The following DCUN1D5 variants were observed in gnomAD, a reference collection of about 807,000 sequenced individuals.
DCUN1D5 encodes the protein DCN1-like protein 5.
DCUN1D5 carries 10 observed loss-of-function variants against 38.3 expected under a neutral mutation model. The observed-to-expected ratio is 0.26, with a 90% CI of 0.16 to 0.44. The LOEUF (loss-of-function observed/expected upper bound fraction) is 0.44. DCUN1D5 is among the 20% of genes least tolerant of loss of function. The probability of loss-of-function intolerance (pLI) is 1.00; values close to 1 mark genes in which losing one functional copy is unlikely to be tolerated. For missense variants in DCUN1D5, 148 were observed against 275.3 expected (o/e 0.54, Z 3.27); for synonymous variants, 93 against 90.9 (o/e 1.02, Z -0.13).
intron 1 of DCUN1D5, among the ~76,000 whole-genome samples, chr11:103,090,031 G>T (rs1862816664): frequency 6.6e-6 from 1 of 151,960 alleles, no homozygotes; most frequent in African/African-American, 2.4e-5. Flanking sequence ...GGCCTTCAGA[G>T]AAACTTTTTT....
intron 1 of DCUN1D5, among the ~76,000 whole-genome samples, chr11:103,089,656 T>C (rs978392993): frequency 1.3e-4 from 20 of 152,162 alleles, no homozygotes; most frequent in African/African-American, 3.1e-4. Flanking sequence ...TTGATTTGCA[T>C]AGAAATTCTA....
chr11:103,086,847 C>A lies in DCUN1D5; in HGVS notation c.178+2380G>T, dbSNP rs1476890759. Among the ~76,000 whole-genome samples, 2 of 151,442 alleles carry A rather than the reference C, an allele frequency of 1.3e-5. No individual in the cohort carries two copies. The highest frequency in any genetic ancestry group is 4.8e-5 in the African/African-American group (2 of 41,268). ...ATAAAAAATAAACATAAAATAATAT[C>A]TATTATAATAAAATGTTTATAACTA... On this transcript the variant is annotated intron_variant, in intron 2 of 7. Coordinates refer to ENST00000260247, the MANE Select transcript of DCUN1D5 (RefSeq NM_032299.4). The surrounding 1 kb of genome is among the most constrained non-coding windows in gnomAD (Gnocchi z 4.1).
chr11:103,076,889 A>T (rs971567348), intron 4 of DCUN1D5, among the ~76,000 whole-genome samples: 5 of 152,182 alleles, frequency 3.3e-5, no homozygotes, highest in African/African-American at 1.2e-4. Flanking sequence ...AAAGAATCCA[A>T]CAGACTTTTT....
intron 1 of DCUN1D5, among the ~76,000 whole-genome samples, chr11:103,089,922 T>C (rs940865484): frequency 3.3e-5 from 5 of 152,058 alleles, no homozygotes; most frequent in African/African-American, 1.2e-4. Context: ...AATCCTAGGT[T>C]CTGTTCATTC....
Position 103,091,999 on chromosome 11 carries a change from C to G in DCUN1D5, c.-127G>C. 1 of 852,404 alleles carries G rather than the reference C, an allele frequency of 1.2e-6. No individual in the cohort carries two copies. Among genetic ancestry groups the G allele is most frequent in the Non-Finnish European group, 1.8e-6 (1 of 569,948 alleles). 52.8% of individuals were successfully genotyped at this position (852,404 alleles called of 1,614,324 possible). On this transcript the variant is annotated 5_prime_UTR_variant, in exon 1 of 8. Transcript: ENST00000260247. This position sits in a 1 kb window ranked among gnomAD's most constrained non-coding sequence, Gnocchi z 4.3. ...AAGCGGAGGAGCAGAGTCGCCAGCC[C>G]GCACCGGCGCGGCCCAGCCCGGCCG...
chr11:103,068,592 C>G (rs1341629872), intron 4 of DCUN1D5, among the ~76,000 whole-genome samples: 2 of 152,018 alleles, frequency 1.3e-5, no homozygotes, highest in East Asian at 3.8e-4. Flanking sequence ...GCTGGAAAAC[C>G]AAATATCACA....
chr11:103,084,774 G>C (rs978939502), intron 2 of DCUN1D5, among the ~76,000 whole-genome samples: 1 of 151,882 alleles, frequency 6.6e-6, no homozygotes, highest in African/African-American at 2.4e-5. Flanking sequence ...ATTATCACTT[G>C]AGCCCAAGAG....
intron 4 of DCUN1D5, among the ~76,000 whole-genome samples, chr11:103,081,938 A>G (rs1862574861): frequency 6.6e-6 from 1 of 152,146 alleles, no homozygotes; most frequent in Non-Finnish European, 1.5e-5. Flanking sequence ...GTGTTAATGA[A>G]AGCATAATCA....
chr11:103,075,437 A>T (rs1862383981), intron 4 of DCUN1D5, among the ~76,000 whole-genome samples: 1 of 151,958 alleles, frequency 6.6e-6, no homozygotes, highest in African/African-American at 2.4e-5. Context: ...GCTGGAGTGC[A>T]GAGGTGCAAT....
In DCUN1D5 at chr11:103,086,182, G is replaced by GA. The variant is rs369332721; in HGVS notation, c.179-2857dup. On this transcript the variant is annotated intron_variant, in intron 2 of 7. Transcript: ENST00000260247. The surrounding 1 kb of genome is among the most constrained non-coding windows in gnomAD (Gnocchi z 4.1). ...GCCAGCCATAACAGATGCTTAGGGG[G>GA]AAAAAAAAAAAATTCTCAGTGACAC... Among the ~76,000 whole-genome samples the GA allele has an allele frequency of 2.1e-4, 30 of 145,672 alleles. No homozygotes were observed. Among genetic ancestry groups the GA allele is most frequent in the East Asian group, 7.9e-4 (4 of 5,042 alleles).
intron 4 of DCUN1D5, among the ~76,000 whole-genome samples, chr11:103,068,242 C>T (rs929211292): frequency 1.3e-5 from 2 of 152,018 alleles, no homozygotes; most frequent in African/African-American, 2.4e-5. Flanking sequence ...TATAATTTCC[C>T]TCTTAATACA....
At chr11:103,074,166 C>T (rs1862348631) in intron 4 of DCUN1D5, among the ~76,000 whole-genome samples, 3 of 152,078 alleles carry the variant, frequency 2.0e-5, no homozygotes, top group Admixed American at 2.0e-4. Flanking sequence ...TGCAAAAGAC[C>T]TTGTTACAGG....
rs966904067 is a variant in DCUN1D5, at chr11:103,062,614, T to G, written c.659-200A>C. On this transcript the variant is annotated intron_variant, in intron 7 of 7. Coordinates refer to ENST00000260247, the MANE Select transcript of DCUN1D5 (RefSeq NM_032299.4). This position sits in a 1 kb window ranked among gnomAD's most constrained non-coding sequence, Gnocchi z 4.6. ...TTGCCCTTAAAGACACAAGGAACAA[T>G]GGTATCTATAGCAACTTCCTTCTCA... 3.9e-5 allele frequency among the ~76,000 whole-genome samples: 6 copies of G among 152,068 alleles called. No homozygotes were observed. Among genetic ancestry groups the G allele is most frequent in the African/African-American group, 1.4e-4 (6 of 41,432 alleles).
rs1044855111 is a variant in DCUN1D5, at chr11:103,056,662, G to A, written c.*5697C>T. 3.3e-5 allele frequency among the ~76,000 whole-genome samples: 5 copies of A among 152,050 alleles called. No individual in the cohort carries two copies. Among genetic ancestry groups the A allele is most frequent in the African/African-American group, 1.2e-4 (5 of 41,390 alleles). On this transcript the variant is annotated 3_prime_UTR_variant, in exon 8 of 8. Coordinates refer to ENST00000260247, the MANE Select transcript of DCUN1D5 (RefSeq NM_032299.4). This position sits in a 1 kb window ranked among gnomAD's most constrained non-coding sequence, Gnocchi z 4.9. ...TGCTTCGTGCCCTGCAATATATTCA[G>A]GCCTAGAATACTTCTTGGCATATAG... is the stretch of plus-strand genomic sequence containing the variant.
Position 103,091,772 on chromosome 11 carries a change from G to T in DCUN1D5, c.86+15C>A, listed in dbSNP as rs376700944. On this transcript the variant is annotated intron_variant, in intron 1 of 7. Coordinates refer to ENST00000260247, the MANE Select transcript of DCUN1D5 (RefSeq NM_032299.4). The surrounding 1 kb of genome is among the most constrained non-coding windows in gnomAD (Gnocchi z 4.3). ...GAGGGAGGAGGGAAGCTTGAAGGGT[G>T]GGGGGAGATGGTACCTGGAGATTTT... 2 of 1,613,644 alleles carry T rather than the reference G, an allele frequency of 1.2e-6. No individual in the cohort carries two copies. The highest frequency in any genetic ancestry group is 1.7e-5 in the Admixed American group (1 of 60,020).
At position 103,059,053 on chromosome 11, in the gene DCUN1D5, A is replaced by T. The variant is rs1421106787; in HGVS notation, c.*3306T>A. 6.6e-6 allele frequency among the ~76,000 whole-genome samples: 1 copy of T among 152,160 alleles called. No individual in the cohort carries two copies. Among genetic ancestry groups the T allele is most frequent in the South Asian group, 2.1e-4 (1 of 4,832 alleles). On this transcript the variant is annotated 3_prime_UTR_variant, in exon 8 of 8. Transcript: ENST00000260247. Reference sequence around the variant, plus strand: ...CTGTAAGAGCCTTGAAGGCCAGAACAAAGTTTTATCAGAGATGAATTATCA... The same window carrying T: ...CTGTAAGAGCCTTGAAGGCCAGAACTAAGTTTTATCAGAGATGAATTATCA...
Position 103,083,228 on chromosome 11 carries a change from T to A in DCUN1D5, c.249+28A>T, listed in dbSNP as rs746623824. On this transcript the variant is annotated intron_variant, in intron 3 of 7. Coordinates refer to ENST00000260247, the MANE Select transcript of DCUN1D5 (RefSeq NM_032299.4). This position sits in a 1 kb window ranked among gnomAD's most constrained non-coding sequence, Gnocchi z 4.4. ...ACGAATATGCTATACCCCACTTATATGCCATTCTACTTAGAAATAAAACAT... is the reference window on the plus strand; with the variant it reads ...ACGAATATGCTATACCCCACTTATAAGCCATTCTACTTAGAAATAAAACAT... The A allele has an allele frequency of 8.4e-7, 1 of 1,189,324 alleles. No individual in the cohort carries two copies. Among genetic ancestry groups the A allele is most frequent in the Admixed American group, 1.7e-5 (1 of 58,466 alleles). 73.7% of individuals were successfully genotyped at this position (1,189,324 alleles called of 1,614,324 possible). A position where few individuals can be genotyped will look rare whatever the true frequency, so the allele number is the denominator to read the frequency against.
At chr11:103,089,027 A>C (rs1048792614) in intron 2 of DCUN1D5, among the ~76,000 whole-genome samples, 200 bp downstream of exon 2, 1 of 152,206 alleles carries the variant, frequency 6.6e-6, no homozygotes, top group Non-Finnish European at 1.5e-5. Flanking sequence ...CAGTAAATAT[A>C]TACCGAATAT....
rs572977054 is a variant in DCUN1D5, at chr11:103,057,828, T to C, written c.*4531A>G. 8.5e-5 allele frequency among the ~76,000 whole-genome samples: 13 copies of C among 152,282 alleles called. No homozygotes were observed. In the East Asian group the frequency reaches 2.5e-3, roughly 29 times the overall value. ...TCTCTCTATATATTCACTTCAAGTA[T>C]TTATTAGCTTTTTAAAATCCACAAT... On this transcript the variant is annotated 3_prime_UTR_variant, in exon 8 of 8. Transcript: ENST00000260247. The surrounding 1 kb of genome is among the most constrained non-coding windows in gnomAD (Gnocchi z 4.8).
Sources: allele counts gnomAD v4.1 joint callset (sites outside exome capture counted in the v4.1 genomes callset), GRCh38; gene constraint gnomAD v4.1.1; non-coding constraint Gnocchi (gnomAD v3.1); transcripts MANE v1.5; gene names NCBI Gene and HGNC (gene_info 2026-07-23, HGNC 2026-07-21).